CYLD: variants seen among roughly 807,000 people sequenced by gnomAD.
The protein encoded by CYLD is ubiquitin carboxyl-terminal hydrolase CYLD.
A neutral mutation model predicts 104.5 loss-of-function variants in CYLD; 26 were observed. The observed-to-expected ratio is 0.25, with a 90% confidence interval of 0.18 to 0.35. The LOEUF is 0.35. CYLD is among the 10% of genes least tolerant of loss of function. The pLI is 1.00. For synonymous variants in CYLD, 385 were observed against 399.9 expected, an observed-to-expected ratio of 0.96 and a Z score of 0.45; for missense variants, 703 against 1,136.1, an observed-to-expected ratio of 0.62 and a Z score of 5.48.
Position 50,797,370 on chromosome 16 carries a change from A to T in CYLD, c.*862A>T. 4.3e-6 allele frequency: 1 copy of T among 232,286 alleles called. No homozygotes were observed. Among genetic ancestry groups the T allele is most frequent in the Non-Finnish European group, 8.5e-6 (1 of 117,430 alleles). 14.4% of individuals were successfully genotyped at this position (232,286 alleles called of 1,614,324 possible). A position where few individuals can be genotyped will look rare whatever the true frequency, so the allele number is the denominator to read the frequency against. On this transcript the variant is annotated 3_prime_UTR_variant, in exon 19 of 19. Transcript: ENST00000427738. The stretch of plus-strand genomic sequence containing the variant: ...ATAAGAAAATGAATTTGGCATATAG[A>T]ATTATTACAATTTCCTGGGAGAGAT...
At position 50,754,938 on chromosome 16, in the gene CYLD, T is replaced by TATAC. The variant is rs1491139626; in HGVS notation, c.913+517_913+518insCATA. Among the ~76,000 whole-genome samples the TATAC allele has an allele frequency of 8.8e-5, 13 of 147,788 alleles. 1 individual carries two copies. In the South Asian group the frequency reaches 2.4e-3, roughly 27 times the overall value. On this transcript the variant is annotated intron_variant, in intron 5 of 18. Coordinates refer to ENST00000427738, the MANE Select transcript of CYLD (RefSeq NM_001378743.1). ...ATGTATACATATATACACACATATG[T>TATAC]ATATATACACACATATATACATATA...
In CYLD at chr16:50,784,433, T is replaced by C. The variant is rs747739683; in HGVS notation, c.1931T>C (p.Ile644Thr). Residue 644 changes from isoleucine (I) to threonine (T), a missense_variant, in exon 12 of 19, where the codon ATT becomes ACT. Physicochemically the swap from Ile to Thr is moderately conservative, Grantham distance 89. Coordinates refer to ENST00000427738, the MANE Select transcript of CYLD (RefSeq NM_001378743.1). Reference protein sequence around the residue: ...SETQELLRTEIVNPLRIYGYV... With the variant: ...SETQELLRTETVNPLRIYGYV... The stretch of plus-strand genomic sequence containing the variant: ...ACCCAAGAGCTACTGAGGACAGAAA[T>C]TGTTAATCCTCTGAGAATGTAAGTA... 2 of 1,613,196 alleles carry C rather than the reference T, an allele frequency of 1.2e-6. No homozygotes were observed. The highest frequency in any genetic ancestry group is 1.7e-6 in the Non-Finnish European group (2 of 1,179,750).
chr16:50,742,407 C>G (rs1346109852), intron 1 of CYLD: 2 of 177,774 alleles, frequency 1.1e-5, no homozygotes, highest in South Asian at 2.0e-4. Context: ...GGGTTTCCCC[C>G]CCCCACCGGG....
chr16:50,765,935 A>C (rs1207298040), intron 5 of CYLD, among the ~76,000 whole-genome samples: 1 of 152,250 alleles, frequency 6.6e-6, no homozygotes, highest in African/African-American at 2.4e-5. Context: ...GAAAGATGTC[A>C]TCACCATAAC....
intron 8 of CYLD, 117 bp from the exon 9 acceptor site, chr16:50,779,548 A>T: frequency 1.1e-6 from 1 of 909,612 alleles, no homozygotes; most frequent in Non-Finnish European, 1.7e-6. Flanking sequence ...TGAGAGTACT[A>T]TTAATAGCAG....
intron 18 of CYLD, chr16:50,795,593 C>A (rs1409098877): frequency 2.8e-6 from 2 of 702,890 alleles, no homozygotes; most frequent in Non-Finnish European, 5.2e-6. Flanking sequence ...TGTGGCCCTC[C>A]AGTAGCCTAA....
rs990395184 is a variant in CYLD at position 50,777,733 on chromosome 16, A to G, written c.1022-92A>G. 2.3e-5 allele frequency: 17 copies of G among 746,426 alleles called. No individual in the cohort carries two copies. In the Admixed American group the frequency reaches 3.3e-4, roughly 14 times the overall value. The allele number at this position is 746,426 out of a possible 1,614,324, so 46.2% of individuals were successfully genotyped here. On this transcript the variant is annotated intron_variant, in intron 7 of 18. Coordinates refer to ENST00000427738, the MANE Select transcript of CYLD (RefSeq NM_001378743.1). ...TTTATTGGTTATGTAAACAGTTATT[A>G]ACATCATATTCATAATAATTTCTCT...
intron 9 of CYLD, among the ~76,000 whole-genome samples, chr16:50,780,365 C>G (rs934018673): frequency 6.6e-5 from 10 of 152,140 alleles, no homozygotes; most frequent in African/African-American, 2.4e-4. Flanking sequence ...AGCCCCTTCC[C>G]CTGGTCAGTT....
Position 50,796,694 on chromosome 16 carries a change from C to T in CYLD, c.*186C>T, listed in dbSNP as rs1364766726. On this transcript the variant is annotated 3_prime_UTR_variant, in exon 19 of 19. Transcript: ENST00000427738. ...TGTCCCTGAAGTATTTAATAAGAAG[C>T]ATTTTGCACTCTAGAAAGTATGTTT... The T allele has an allele frequency of 1.6e-6, 1 of 629,264 alleles. No homozygotes were observed. Among genetic ancestry groups the T allele is most frequent in the South Asian group, 1.8e-5 (1 of 54,812 alleles). The allele number at this position is 629,264 out of a possible 1,614,324, so 39.0% of individuals were successfully genotyped here. A position where few individuals can be genotyped will look rare whatever the true frequency, so the allele number is the denominator to read the frequency against.
chr16:50,794,129 TC>T lies in CYLD; in HGVS notation c.2470-82del. ...TTTTAACAGAGACAGGGTTTCACCA[TC>T]TTGATCAGGCTGGTCTTGAACTCCT... On this transcript the variant is annotated intron_variant, in intron 17 of 18. Coordinates refer to ENST00000427738, the MANE Select transcript of CYLD (RefSeq NM_001378743.1). The surrounding 1 kb of genome is among the most constrained non-coding windows in gnomAD (Gnocchi z 4.1). The T allele has an allele frequency of 1.6e-6, 2 of 1,280,002 alleles. No individual in the cohort carries two copies. The highest frequency in any genetic ancestry group is 2.3e-6 in the Non-Finnish European group (2 of 879,894). 79.3% of individuals were successfully genotyped at this position (1,280,002 alleles called of 1,614,324 possible).
chr16:50,751,983 T>A (rs1966667357), intron 4 of CYLD, 77 bp downstream of exon 4: 1 of 119,116 alleles, frequency 8.4e-6, no homozygotes, highest in Non-Finnish European at 1.2e-5. Context: ...TATATAAACA[T>A]ATATATACAC....
chr16:50,749,299 G>A (rs954285983), intron 2 of CYLD, among the ~76,000 whole-genome samples: 2 of 152,210 alleles, frequency 1.3e-5, no homozygotes, highest in African/African-American at 4.8e-5. Flanking sequence ...ATAAATTTCA[G>A]TGTCTTGGAA....
Position 50,801,002 on chromosome 16 carries a change from G to A in CYLD, c.*4494G>A, listed in dbSNP as rs546313281. ...GCCTTATGAAGACCAGGATTCTGCG[G>A]GTGTCAGGGGATTGCCCCTCTTGAC... On this transcript the variant is annotated 3_prime_UTR_variant, in exon 19 of 19. Coordinates refer to ENST00000427738, the MANE Select transcript of CYLD (RefSeq NM_001378743.1). 40 of 233,398 alleles carry A rather than the reference G, an allele frequency of 1.7e-4. No individual in the cohort carries two copies. The highest frequency in any genetic ancestry group is 3.2e-4 in the Non-Finnish European group (38 of 118,122). The allele number at this position is 233,398 out of a possible 1,614,324, so 14.5% of individuals were successfully genotyped here.
chr16:50,796,611 CT>C lies in CYLD; in HGVS notation c.*106del, dbSNP rs1470888603. ...CACGTCCATTGCCGGCAATGGATGT[CT>C]TTGTGGTGATGATCCTTCAGAAAAG... On this transcript the variant is annotated 3_prime_UTR_variant, in exon 19 of 19. Coordinates refer to ENST00000427738, the MANE Select transcript of CYLD (RefSeq NM_001378743.1). 8.5e-7 allele frequency: 1 copy of C among 1,171,702 alleles called. No individual in the cohort carries two copies. The highest frequency in any genetic ancestry group is 1.3e-6 in the Non-Finnish European group (1 of 794,300). 72.6% of individuals were successfully genotyped at this position (1,171,702 alleles called of 1,614,324 possible). A position where few individuals can be genotyped will look rare whatever the true frequency, so the allele number is the denominator to read the frequency against.
intron 18 of CYLD, among the ~76,000 whole-genome samples, chr16:50,795,923 C>T (rs1319434789): frequency 3.3e-5 from 5 of 151,638 alleles, no homozygotes; most frequent in South Asian, 4.2e-4. Context: ...GCTATAATAG[C>T]GTTCATTTGA....
intron 5 of CYLD, among the ~76,000 whole-genome samples, chr16:50,766,341 G>C (rs1424399080): frequency 6.6e-6 from 1 of 152,166 alleles, no homozygotes; most frequent in Non-Finnish European, 1.5e-5. Context: ...TAAGTCTACT[G>C]TTGAGACCTA....
intron 14 of CYLD, among the ~76,000 whole-genome samples, chr16:50,789,638 T>C (rs568720478): frequency 3.9e-5 from 6 of 152,252 alleles, no homozygotes; most frequent in African/African-American, 1.4e-4. Context: ...ATATTCTAAG[T>C]TGGCTCTTTT....
chr16:50,783,181 C>T (rs1313092907), intron 11 of CYLD, among the ~76,000 whole-genome samples: 2 of 152,128 alleles, frequency 1.3e-5, no homozygotes, highest in Non-Finnish European at 2.9e-5. Context: ...ATCTACCCGC[C>T]TTGGCCTCCC....
chr16:50,792,773 T>A lies in CYLD; in HGVS notation c.2350+68T>A. ...AAATTGTCAGATAATTCTCATCAGTTGTGGGTTAGACTCTAACTGGACACA... is the reference window on the plus strand; with the variant it reads ...AAATTGTCAGATAATTCTCATCAGTAGTGGGTTAGACTCTAACTGGACACA... On this transcript the variant is annotated intron_variant, in intron 16 of 18. Transcript: ENST00000427738. 3.5e-6 allele frequency: 3 copies of A among 862,628 alleles called. No individual in the cohort carries two copies. In the Admixed American group the frequency reaches 6.1e-5, roughly 17 times the overall value. 53.4% of individuals were successfully genotyped at this position (862,628 alleles called of 1,614,324 possible). A position where few individuals can be genotyped will look rare whatever the true frequency, so the allele number is the denominator to read the frequency against.
Sources: gnomAD v4.1 joint callset for allele counts (sites outside exome capture counted in the v4.1 genomes callset) on GRCh38, gnomAD v4.1.1 for gene constraint, Gnocchi (gnomAD v3.1) non-coding constraint, MANE v1.5 for transcripts, NCBI Gene and HGNC (gene_info 2026-07-23, HGNC 2026-07-21) for gene names.